Variants in LAMA1 observed in about 807,000 individuals in gnomAD.
The protein encoded by LAMA1 is laminin subunit alpha 1, also known as laminin subunit alpha-1.
LAMA1 carries 219 observed loss-of-function variants against 348.7 expected under a neutral mutation model. The observed-to-expected ratio is 0.63, with a 90% CI of 0.56 to 0.70. LAMA1 has a LOEUF of 0.70. Among genes scored for constraint, LAMA1 ranks in the 30% least tolerant of loss-of-function variants. LAMA1 has a pLI of 0.00. For missense variants in LAMA1, 3,744 were observed against 3,888.0 expected (o/e 0.96, Z 0.99); for synonymous variants, 1,487 against 1,491.0 (o/e 1.00, Z 0.06).
At position 7,037,616 on chromosome 18, in the gene LAMA1, A is replaced by G; in HGVS notation, c.1699T>C (p.Tyr567His). Residue 567 changes from tyrosine to histidine, a missense_variant, in exon 12 of 63, where the codon TAC becomes CAC. Physicochemically the swap from Tyr to His is moderately conservative, Grantham distance 83. Transcript: ENST00000389658. Reference sequence around the variant, plus strand: ...TAGGCCTCGGGGGCTGCCCAGTAGTACTTGGGAGCCAGTCTCTGCATGACC... The same window carrying G: ...TAGGCCTCGGGGGCTGCCCAGTAGTGCTTGGGAGCCAGTCTCTGCATGACC... Reference protein sequence around the residue: ...TAVMQRLAPKYYWAAPEAYLG... With the variant: ...TAVMQRLAPKHYWAAPEAYLG... The G allele has an allele frequency of 6.2e-7, 1 of 1,614,094 alleles. No homozygotes were observed. The highest frequency in any genetic ancestry group is 1.1e-5 in the South Asian group (1 of 91,070).
At position 7,034,532 on chromosome 18, in the gene LAMA1, C is replaced by G. The variant is rs757224628; in HGVS notation, c.1998G>C (p.Val666=). 1.9e-6 allele frequency: 3 copies of G among 1,613,980 alleles called. No homozygotes were observed. The African/African-American group carries it at 4.0e-5, about 22-fold the overall frequency. The change falls in exon 14 of 63, where the codon GTG becomes GTC. Residue 666 remains valine, a synonymous_variant. Coordinates refer to ENST00000389658, the MANE Select transcript of LAMA1 (RefSeq NM_005559.4). The part of the protein sequence containing the change: ...RDQLMTVLAN[V]THLLIRANYN... ...AGTTGGCTCTGATCAAAAGATGTGT[C>G]ACATTGGCAAGGACAGTCATCAGCT... is the stretch of plus-strand genomic sequence containing the variant.
In LAMA1 at chr18:6,997,893, C is replaced by T; in HGVS notation, c.4664-9G>A. ...ACACTCATCATCACAGGCTACAAGA[C>T]AAATTTTTAAAAAGGAGAGTTAAAG... On this transcript the variant is annotated splice_polypyrimidine_tract_variant and intron_variant, in intron 32 of 62. Transcript: ENST00000389658. 2 of 1,613,762 alleles carry T rather than the reference C, an allele frequency of 1.2e-6. No individual in the cohort carries two copies. Among genetic ancestry groups the T allele is most frequent in the East Asian group, 2.2e-5 (1 of 44,888 alleles).
Position 7,042,357 on chromosome 18 carries a change from G to C in LAMA1, c.1156-107C>G. The C allele has an allele frequency of 4.1e-6, 3 of 733,762 alleles. No individual in the cohort carries two copies. In the South Asian group the frequency reaches 4.5e-5, roughly 11 times the overall value. 45.5% of individuals were successfully genotyped at this position (733,762 alleles called of 1,614,324 possible). On this transcript the variant is annotated intron_variant, in intron 8 of 62. Coordinates refer to ENST00000389658, the MANE Select transcript of LAMA1 (RefSeq NM_005559.4). The stretch of plus-strand genomic sequence containing the variant: ...TTTTTACTCAAGATGGGACTATTAC[G>C]ATGATTTTGTGCATGGGGGTGGGGG...
chr18:7,081,601 A>G (rs1262880280), intron 1 of LAMA1, among the ~76,000 whole-genome samples: 1 of 152,224 alleles, frequency 6.6e-6, no homozygotes, highest in African/African-American at 2.4e-5. Flanking sequence ...ACTATTCAGG[A>G]AACAATTTCT....
chr18:7,075,777 A>C (rs570261060), intron 3 of LAMA1, among the ~76,000 whole-genome samples: 19 of 152,148 alleles, frequency 1.2e-4, no homozygotes, highest in African/African-American at 4.1e-4. Context: ...GTCTCTACTA[A>C]AAATACAAAA....
In LAMA1 at chr18:7,049,311, A is replaced by T. The variant is rs531622852; in HGVS notation, c.589-54T>A. 15 of 1,496,416 alleles carry T rather than the reference A, an allele frequency of 1.0e-5. 1 individual carries two copies. In the Admixed American group the frequency reaches 1.3e-4, roughly 13 times the overall value. 92.7% of individuals were successfully genotyped at this position (1,496,416 alleles called of 1,614,324 possible). On this transcript the variant is annotated intron_variant, in intron 4 of 62. Coordinates refer to ENST00000389658, the MANE Select transcript of LAMA1 (RefSeq NM_005559.4). ...ATGTCAATTGTTTATTTATTTATTT[A>T]TTTTTTGAGATGGCGTCTCGCTCTT...
chr18:7,007,470 C>CAAA (rs201834015), intron 28 of LAMA1, among the ~76,000 whole-genome samples, 194 bp from the exon 29 acceptor site: 7 of 132,178 alleles, frequency 5.3e-5, no homozygotes, highest in Admixed American at 7.7e-5. Flanking sequence ...TATCAACTAT[C>CAAA]AAAAAAAAAA....
At chr18:7,090,894 T>A (rs2058237393) in intron 1 of LAMA1, among the ~76,000 whole-genome samples, 1 of 152,098 alleles carries the variant, frequency 6.6e-6, no homozygotes, top group Admixed American at 6.6e-5. Context: ...AGCAGAAGGA[T>A]TTAGCAGGGT....
chr18:7,082,487 T>C (rs2058196946), intron 1 of LAMA1, among the ~76,000 whole-genome samples: 1 of 152,210 alleles, frequency 6.6e-6, no homozygotes, highest in African/African-American at 2.4e-5. Context: ...TTATATTTTA[T>C]GTAATAATGT....
intron 1 of LAMA1, among the ~76,000 whole-genome samples, chr18:7,107,900 G>A (rs980222470): frequency 4.6e-5 from 7 of 152,092 alleles, no homozygotes; most frequent in African/African-American, 1.7e-4. Context: ...TGTAGTCCCA[G>A]CTACTCTGGA....
rs766115637 is a variant in LAMA1 at position 7,017,410 on chromosome 18, T to C, written c.2702-26A>G. ...CTAAACACATGCACACAAAGACATA[T>C]TAACCCTCACTTCTGAGGATGGTTA... On this transcript the variant is annotated intron_variant, in intron 19 of 62. Transcript: ENST00000389658. 5.3e-6 allele frequency: 8 copies of C among 1,518,930 alleles called. No homozygotes were observed. In the South Asian group the frequency reaches 8.0e-5, roughly 15 times the overall value. 94.1% of individuals were successfully genotyped at this position (1,518,930 alleles called of 1,614,324 possible).
intron 53 of LAMA1, chr18:6,960,324 GAAT>G (rs1377748032): frequency 6.6e-6 from 1 of 152,170 alleles, no homozygotes; most frequent in African/African-American, 2.4e-5. Flanking sequence ...ATATACAGTG[GAAT>G]ATTACTCAGC....
At chr18:6,958,961 T>C (rs1263317967) in intron 54 of LAMA1, among the ~76,000 whole-genome samples, 1 of 152,138 alleles carries the variant, frequency 6.6e-6, no homozygotes, top group African/African-American at 2.4e-5. Context: ...ATGCCCAGTG[T>C]GCTTTTAAAG....
chr18:6,991,930 T>A (rs985230582), intron 36 of LAMA1, among the ~76,000 whole-genome samples: 2 of 152,244 alleles, frequency 1.3e-5, no homozygotes, highest in Non-Finnish European at 2.9e-5. Flanking sequence ...AGAGTTTTAA[T>A]AAAGTATCAT....
At chr18:7,069,676 A>T (rs1359146654) in intron 3 of LAMA1, among the ~76,000 whole-genome samples, 1 of 152,134 alleles carries the variant, frequency 6.6e-6, no homozygotes, top group Non-Finnish European at 1.5e-5. Context: ...TGCTGTGAGG[A>T]AGCTCAGGCA....
intron 1 of LAMA1, among the ~76,000 whole-genome samples, chr18:7,103,182 C>A (rs1328487868): frequency 2.6e-5 from 4 of 152,146 alleles, no homozygotes; most frequent in Non-Finnish European, 4.4e-5. Context: ...CTTTGGGAGG[C>A]CGAGGCAGGC....
chr18:7,038,919 C>T lies in LAMA1; in HGVS notation c.1454G>A (p.Cys485Tyr), dbSNP rs764663256. The change falls in exon 11 of 63, where the codon TGC (cysteine) becomes TAC (tyrosine). Residue 485 changes from cysteine (C) to tyrosine (Y), a missense_variant. Physicochemically the swap from Cys to Tyr is radical, Grantham distance 194 (BLOSUM62 -2). Coordinates refer to ENST00000389658, the MANE Select transcript of LAMA1 (RefSeq NM_005559.4). ...CTTCAAGTTATAGAATCCTGGCTTG[C>T]AGCGATCACAGGCCTTCCCCTCAAC... ...ENVEGKACDR[C>Y]KPGFYNLKEK... The T allele has an allele frequency of 6.2e-7, 1 of 1,613,826 alleles. No individual in the cohort carries two copies. The highest frequency in any genetic ancestry group is 8.5e-7 in the Non-Finnish European group (1 of 1,179,732).
At chr18:7,105,901 C>A (rs996142935) in intron 1 of LAMA1, among the ~76,000 whole-genome samples, 19 of 152,190 alleles carry the variant, frequency 1.2e-4, no homozygotes, top group African/African-American at 4.6e-4. Flanking sequence ...TGGGGAAACC[C>A]ATTTAAACAC....
chr18:7,116,044 A>G (rs1453157916), intron 1 of LAMA1, among the ~76,000 whole-genome samples: 1 of 152,062 alleles, frequency 6.6e-6, no homozygotes, highest in Non-Finnish European at 1.5e-5. Flanking sequence ...GAAGGCAAAA[A>G]GGCAAACAGG....
Sources: gnomAD v4.1 joint callset for allele counts (sites outside exome capture counted in the v4.1 genomes callset) on GRCh38, gnomAD v4.1.1 for gene constraint, MANE v1.5 for transcripts, NCBI Gene and HGNC (gene_info 2026-07-23, HGNC 2026-07-21) for gene names.